SYTL3: variants seen among roughly 807,000 people sequenced by gnomAD.
SYTL3 encodes synaptotagmin-like protein 3.
In SYTL3, 88 loss-of-function variants were observed where a neutral mutation model predicts 82.1. That is an observed-to-expected ratio of 1.07 (90% CI 0.90 to 1.28). The LOEUF is 1.28. Among genes scored for constraint, SYTL3 ranks in the 50% most tolerant of loss-of-function variants. SYTL3 has a pLI of 0.00. For synonymous variants in SYTL3, 311 were observed against 289.4 expected (o/e 1.07, Z -0.76); for missense variants, 831 against 757.6 (o/e 1.10, Z -1.14).
At chr6:158,690,076 A>G (rs1435050973) in intron 6 of SYTL3, among the ~76,000 whole-genome samples, 1 of 152,134 alleles carries the variant, frequency 6.6e-6, no homozygotes, top group Non-Finnish European at 1.5e-5. Flanking sequence ...ACTGATTGGC[A>G]CAGCGTGGGG....
In SYTL3 at chr6:158,705,082, G is replaced by A. The variant is rs546777267; in HGVS notation, c.395-2148G>A. On this transcript the variant is annotated intron_variant, in intron 6 of 17. Coordinates refer to ENST00000611299, the MANE Select transcript of SYTL3 (RefSeq NM_001242394.2). ...GACCCGGGGCAGGGTGACAGTGAGGGCTATAAGGCCACATAGGGCAGGAGG... is the reference window on the plus strand; with the variant it reads ...GACCCGGGGCAGGGTGACAGTGAGGACTATAAGGCCACATAGGGCAGGAGG... Among the ~76,000 whole-genome samples the A allele has an allele frequency of 3.7e-5, 3 of 82,092 alleles. No homozygotes were observed. The East Asian group carries it at 7.3e-4, about 20-fold the overall frequency. The allele number at this position is 82,092 out of a possible 152,430, so 53.9% of individuals were successfully genotyped here.
At chr6:158,760,810 C>A in intron 15 of SYTL3, 65 bp downstream of exon 15, 3 of 1,324,878 alleles carry the variant, frequency 2.3e-6, no homozygotes, top group Non-Finnish European at 3.3e-6. Context: ...GTGCTGCAGG[C>A]AGACTGAGGT....
chr6:158,727,701 T>TTTTTTTTTTTTTTTA (rs1784911416), intron 11 of SYTL3, among the ~76,000 whole-genome samples: 12 of 148,256 alleles, frequency 8.1e-5, no homozygotes, highest in South Asian at 2.2e-4. Flanking sequence ...TTTTTTTTTT[T>TTTTTTTTTTTTTTTA]GAGATGAAGT....
At position 158,741,272 on chromosome 6, in the gene SYTL3, G is replaced by A. The variant is rs1786890922; in HGVS notation, c.856-4208G>A. On this transcript the variant is annotated intron_variant, in intron 11 of 17. Coordinates refer to ENST00000611299, the MANE Select transcript of SYTL3 (RefSeq NM_001242394.2). ...TTTAGTAGAGACAGGGTTTCACCAT[G>A]TTGGCCAGCTGGTCTCGAACTCCTG... is the stretch of plus-strand genomic sequence containing the variant. Among the ~76,000 whole-genome samples, 2 of 152,178 alleles carry A rather than the reference G, an allele frequency of 1.3e-5. 1 individual carries two copies. Among genetic ancestry groups the A allele is most frequent in the South Asian group, 4.1e-4 (2 of 4,832 alleles).
At chr6:158,700,939 C>A (rs919080833) in intron 6 of SYTL3, among the ~76,000 whole-genome samples, 2 of 152,170 alleles carry the variant, frequency 1.3e-5, no homozygotes, top group African/African-American at 4.8e-5. Flanking sequence ...AGCACCACCT[C>A]TTATATGGCA....
intron 3 of SYTL3, among the ~76,000 whole-genome samples, chr6:158,661,677 T>G (rs1789399716): frequency 6.6e-6 from 1 of 152,250 alleles, no homozygotes; most frequent in African/African-American, 2.4e-5. Flanking sequence ...TTATTAACCT[T>G]TAACTCAAAT....
Position 158,764,340 on chromosome 6 carries a change from T to G in SYTL3, c.1724-155T>G, listed in dbSNP as rs962588009. On this transcript the variant is annotated intron_variant, in intron 17 of 17. Transcript: ENST00000611299. ...AGTCTCAACACCAGCTTTGTTGGGG[T>G]GGGAGTGGTGGTGGCGGCGTCTGTC... Among the ~76,000 whole-genome samples, 17 of 152,024 alleles carry G rather than the reference T, an allele frequency of 1.1e-4. 1 individual carries two copies. Among genetic ancestry groups the G allele is most frequent in the Middle Eastern group, 3.4e-3 (1 of 294 alleles).
intron 5 of SYTL3, among the ~76,000 whole-genome samples, chr6:158,672,182 T>C (rs1777459586): frequency 6.6e-6 from 1 of 151,904 alleles, no homozygotes; most frequent in South Asian, 2.1e-4. Flanking sequence ...TCCCAGCTAC[T>C]TGGGAGGTTG....
Position 158,725,530 on chromosome 6 carries a change from C to G in SYTL3, c.748C>G (p.Pro250Ala). The change falls in exon 11 of 18, where the codon CCT (proline) becomes GCT (alanine). Residue 250 changes from proline to alanine, a missense_variant. Coordinates refer to ENST00000611299, the MANE Select transcript of SYTL3 (RefSeq NM_001242394.2). ...GGTCAGTGCACCAGATATTCTGAAACCTCTCAATCAAGAGGATCCCAAATG... is the reference window on the plus strand; with the variant it reads ...GGTCAGTGCACCAGATATTCTGAAAGCTCTCAATCAAGAGGATCCCAAATG... ...RKVSAPDILK[P>A]LNQEDPKCST... 2 of 1,614,174 alleles carry G rather than the reference C, an allele frequency of 1.2e-6. No individual in the cohort carries two copies. Among genetic ancestry groups the G allele is most frequent in the African/African-American group, 2.7e-5 (2 of 75,038 alleles).
At chr6:158,676,709 G>GA (rs1562364339) in intron 5 of SYTL3, among the ~76,000 whole-genome samples, 1 of 151,828 alleles carries the variant, frequency 6.6e-6, no homozygotes, top group Non-Finnish European at 1.5e-5. Flanking sequence ...AAATTTACAA[G>GA]AAAAAAACAA....
intron 6 of SYTL3, among the ~76,000 whole-genome samples, chr6:158,700,896 A>T (rs144007736): frequency 2.0e-5 from 3 of 152,160 alleles, no homozygotes; most frequent in Non-Finnish European, 4.4e-5. Flanking sequence ...GATTACAGGC[A>T]TGAGCCACCG....
At chr6:158,759,179 C>G (rs1196739495) in intron 14 of SYTL3, among the ~76,000 whole-genome samples, 2 of 152,182 alleles carry the variant, frequency 1.3e-5, no homozygotes, top group Non-Finnish European at 2.9e-5. Flanking sequence ...TGAGCCTGCT[C>G]TGGCAAGTGG....
At position 158,757,163 on chromosome 6, in the gene SYTL3, G is replaced by T. The variant is rs368708855; in HGVS notation, c.1138-48G>T. ...GGGTCCAGAGATGGGGATCCTAGGA[G>T]TGCGGGCCCCGGGAGCCCAGCTGAC... On this transcript the variant is annotated intron_variant, in intron 13 of 17. Coordinates refer to ENST00000611299, the MANE Select transcript of SYTL3 (RefSeq NM_001242394.2). The T allele has an allele frequency of 1.9e-6, 3 of 1,567,394 alleles. No homozygotes were observed. In the African/African-American group the frequency reaches 4.0e-5, roughly 21 times the overall value.
intron 2 of SYTL3, among the ~76,000 whole-genome samples, chr6:158,656,801 G>A (rs770742451): frequency 5.3e-5 from 8 of 152,106 alleles, no homozygotes; most frequent in Non-Finnish European, 1.2e-4. Context: ...CTGGTGTTGT[G>A]TGGTGATGGC....
At chr6:158,746,018 C>G (rs1787596050) in intron 12 of SYTL3, among the ~76,000 whole-genome samples, 1 of 152,234 alleles carries the variant, frequency 6.6e-6, no homozygotes, top group East Asian at 1.9e-4. Context: ...AGTCGAAGCT[C>G]AAGGTGCTGG....
intron 9 of SYTL3, among the ~76,000 whole-genome samples, chr6:158,715,322 C>T (rs1479244635): frequency 6.6e-6 from 1 of 152,100 alleles, no homozygotes; most frequent in Non-Finnish European, 1.5e-5. Flanking sequence ...CCCCAGCCAC[C>T]GAAATCCAGA....
At chr6:158,684,648 G>T (rs1313531024) in intron 6 of SYTL3, among the ~76,000 whole-genome samples, 1 of 152,166 alleles carries the variant, frequency 6.6e-6, no homozygotes, top group African/African-American at 2.4e-5. Context: ...GTGGCAATTT[G>T]CAGGTAGGGA....
chr6:158,677,705 C>CAAAAAAAA (rs56865775), intron 5 of SYTL3, among the ~76,000 whole-genome samples: 2 of 68,116 alleles, frequency 2.9e-5, no homozygotes, highest in Non-Finnish European at 6.4e-5. Flanking sequence ...AACTCTGTCT[C>CAAAAAAAA]AAAAAAAAAA....
intron 6 of SYTL3, among the ~76,000 whole-genome samples, chr6:158,689,324 T>C (rs1562378410): frequency 6.6e-6 from 1 of 151,850 alleles, no homozygotes; most frequent in Non-Finnish European, 1.5e-5. Flanking sequence ...CAAAACAACA[T>C]TGGTCATGCA....
Sources: allele counts gnomAD v4.1 joint callset (sites outside exome capture counted in the v4.1 genomes callset), GRCh38; gene constraint gnomAD v4.1.1; transcripts MANE v1.5; gene names NCBI Gene and HGNC (gene_info 2026-07-23, HGNC 2026-07-21).